Variants in MYH10 observed in about 807,000 individuals in gnomAD.
The protein encoded by MYH10 is myosin-10.
MYH10 carries 55 observed loss-of-function variants against 257.8 expected under a neutral mutation model. The observed-to-expected ratio is 0.21, with a 90% CI of 0.17 to 0.27. MYH10 has a LOEUF of 0.27. MYH10 is among the 10% of genes least tolerant of loss of function. The pLI is 1.00. For missense variants in MYH10, 1,631 were observed against 2,500.6 expected, an observed-to-expected ratio of 0.65 and a Z score of 7.42; for synonymous variants, 854 against 921.7, an observed-to-expected ratio of 0.93 and a Z score of 1.33.
At position 8,569,284 on chromosome 17, in the gene MYH10, C is replaced by T. The variant is rs910837085; in HGVS notation, c.756+436G>A. Among the ~76,000 whole-genome samples the T allele has an allele frequency of 1.3e-5, 2 of 151,614 alleles. No homozygotes were observed. Among genetic ancestry groups the T allele is most frequent in the African/African-American group, 4.8e-5 (2 of 41,258 alleles). On this transcript the variant is annotated intron_variant, in intron 7 of 42. Coordinates refer to ENST00000360416, the MANE Select transcript of MYH10 (RefSeq NM_001256012.3). This position sits in a 1 kb window ranked among gnomAD's most constrained non-coding sequence, Gnocchi z 4.1. ...ACAAATTATTCCAAAGTCCAAATCC[C>T]ACAGAAAATAGCAAGGTAGGAAAAG... is the stretch of plus-strand genomic sequence containing the variant.
chr17:8,587,976 G>A (rs994390095), intron 4 of MYH10, among the ~76,000 whole-genome samples: 2 of 151,880 alleles, frequency 1.3e-5, no homozygotes. Flanking sequence ...CAGTGGGCAC[G>A]CTGCTGCTCA....
intron 36 of MYH10, among the ~76,000 whole-genome samples, chr17:8,486,592 T>C (rs1914844755): frequency 7.2e-6 from 1 of 139,768 alleles, no homozygotes; most frequent in Admixed American, 7.1e-5. Flanking sequence ...GGAAACAAGT[T>C]CCTACCAACC....
At chr17:8,497,729 A>G (rs1448036177) in intron 30 of MYH10, among the ~76,000 whole-genome samples, 2 of 99,720 alleles carry the variant, frequency 2.0e-5, no homozygotes, top group African/African-American at 4.0e-5. Flanking sequence ...ACAGAGCGAG[A>G]CTCTGTCTCA....
chr17:8,549,054 T>C (rs1189405809), intron 9 of MYH10, among the ~76,000 whole-genome samples: 1 of 152,276 alleles, frequency 6.6e-6, no homozygotes, highest in African/African-American at 2.4e-5. Flanking sequence ...TACAATATTC[T>C]GTTTGAAATT....
intron 37 of MYH10, among the ~76,000 whole-genome samples, chr17:8,482,440 AAG>A (rs1176240938): frequency 1.3e-5 from 2 of 152,216 alleles, no homozygotes; most frequent in African/African-American, 4.8e-5. Context: ...TCAGGAAGGA[AAG>A]AGAGGCAGCT....
chr17:8,479,028 G>C (rs192068915), intron 40 of MYH10, among the ~76,000 whole-genome samples: 3 of 152,274 alleles, frequency 2.0e-5, no homozygotes, highest in Non-Finnish European at 4.4e-5. Flanking sequence ...CAGCGCACCC[G>C]GCCTGTACAC....
At chr17:8,608,565 G>A (rs183302235) in intron 2 of MYH10, among the ~76,000 whole-genome samples, 1 of 152,288 alleles carries the variant, frequency 6.6e-6, no homozygotes, top group African/African-American at 2.4e-5. Flanking sequence ...GATGCCTCTT[G>A]GGCAGCTGGA....
chr17:8,492,402 G>A lies in MYH10; in HGVS notation c.4566C>T (p.Ala1522=). The A allele has an allele frequency of 6.2e-7, 1 of 1,613,528 alleles. No homozygotes were observed. The highest frequency in any genetic ancestry group is 8.5e-7 in the Non-Finnish European group (1 of 1,180,030). Residue 1522 remains alanine (A), a synonymous_variant, in exon 34 of 43, where the codon GCC becomes GCT. Coordinates refer to ENST00000360416, the MANE Select transcript of MYH10 (RefSeq NM_001256012.3). The stretch of plus-strand genomic sequence containing the variant: ...CCTTGGCCTCCAGGGCTTCCTCGAG[G>A]GCCCGGGCCAGTGACAGGGCTTTGG... The part of the protein sequence containing the change: ...KETKALSLAR[A]LEEALEAKEE...
At chr17:8,568,456 C>T (rs918624949) in intron 7 of MYH10, among the ~76,000 whole-genome samples, 1 of 151,994 alleles carries the variant, frequency 6.6e-6, no homozygotes, top group African/African-American at 2.4e-5. Flanking sequence ...AATGTGCAGA[C>T]CATGATGTTA....
chr17:8,615,708 GGAAAA>G (rs1336179399), intron 2 of MYH10, among the ~76,000 whole-genome samples: 1 of 151,914 alleles, frequency 6.6e-6, no homozygotes. Flanking sequence ...ATTGAATAAT[GGAAAA>G]ACATTTGATA....
intron 7 of MYH10, among the ~76,000 whole-genome samples, chr17:8,564,366 A>C (rs911763524): frequency 6.6e-6 from 1 of 152,192 alleles, no homozygotes; most frequent in African/African-American, 2.4e-5. Flanking sequence ...CACTGTATAC[A>C]CAACTCATTT....
intron 4 of MYH10, among the ~76,000 whole-genome samples, chr17:8,579,345 A>C (rs151239292): frequency 1.3e-5 from 2 of 152,292 alleles, no homozygotes; most frequent in African/African-American, 4.8e-5. Flanking sequence ...TTTACTGAAA[A>C]ATTACTGGTT....
chr17:8,603,806 ATCTT>A (rs1363987500), intron 3 of MYH10, among the ~76,000 whole-genome samples: 3 of 152,162 alleles, frequency 2.0e-5, no homozygotes, highest in Non-Finnish European at 2.9e-5. Context: ...ATTAAATTTA[ATCTT>A]TCTTTAAAAG....
At chr17:8,556,170 C>T (rs1314672111) in intron 7 of MYH10, among the ~76,000 whole-genome samples, 4 of 152,200 alleles carry the variant, frequency 2.6e-5, no homozygotes, top group African/African-American at 9.7e-5. Context: ...TATCAGACAA[C>T]CCTGGTGAGA....
At chr17:8,595,793 T>TG (rs11411853) in intron 3 of MYH10, among the ~76,000 whole-genome samples, 147,751 of 152,214 alleles carry the variant, frequency 0.97, 71,879 homozygotes, top group Middle Eastern at 1. Flanking sequence ...CTTCACAGGG[T>TG]GGTGAGGAGG....
intron 2 of MYH10, among the ~76,000 whole-genome samples, chr17:8,614,786 CA>C (rs1356406986): frequency 6.6e-6 from 1 of 151,908 alleles, no homozygotes; most frequent in Non-Finnish European, 1.5e-5. Context: ...CCAACAAAGT[CA>C]AAAGTCTATT....
chr17:8,586,042 C>T (rs919115581), intron 4 of MYH10, among the ~76,000 whole-genome samples: 3 of 152,062 alleles, frequency 2.0e-5, no homozygotes, highest in Non-Finnish European at 2.9e-5. Flanking sequence ...TTTAGCAGGA[C>T]CCCCCAGTAT....
chr17:8,539,354 C>T (rs144403030), intron 14 of MYH10, among the ~76,000 whole-genome samples: 48 of 152,314 alleles, frequency 3.2e-4, no homozygotes, highest in African/African-American at 9.6e-4. Context: ...ACAGCATCCA[C>T]GCCTGTAATA....
At chr17:8,494,042 A>G (rs558758700) in intron 31 of MYH10, 157 bp from the exon 32 acceptor site, 17 of 843,616 alleles carry the variant, frequency 2.0e-5, no homozygotes, top group African/African-American at 1.9e-4. Flanking sequence ...AACACACACG[A>G]TAACTTTGTA....
Sources: gnomAD v4.1 joint callset for allele counts (sites outside exome capture counted in the v4.1 genomes callset) on GRCh38, gnomAD v4.1.1 for gene constraint, Gnocchi (gnomAD v3.1) non-coding constraint, MANE v1.5 for transcripts, NCBI Gene and HGNC (gene_info 2026-07-23, HGNC 2026-07-21) for gene names.